Variants in WAC observed in about 807,000 individuals in gnomAD.
WAC encodes the protein WW domain containing adaptor with coiled-coil.
A neutral mutation model predicts 79.6 loss-of-function variants in WAC; 11 were observed. The ratio of observed to expected loss-of-function variants is 0.14; its 90% CI spans 0.09 to 0.23. WAC has a LOEUF of 0.23. WAC is among the 10% of genes least tolerant of loss of function. WAC has a pLI of 1.00. For synonymous variants in WAC, 304 were observed against 276.9 expected (o/e 1.10, Z -0.97); for missense variants, 728 against 773.5 (o/e 0.94, Z 0.70).
intron 3 of WAC, among the ~76,000 whole-genome samples, chr10:28,562,076 G>A (rs1424738956): frequency 6.6e-6 from 1 of 152,100 alleles, no homozygotes; most frequent in Non-Finnish European, 1.5e-5. Flanking sequence ...TTCTTTTTGA[G>A]ATGGAGTCAC....
chr10:28,609,408 A>G (rs995074295), intron 8 of WAC, among the ~76,000 whole-genome samples: 1 of 152,228 alleles, frequency 6.6e-6, no homozygotes, highest in Non-Finnish European at 1.5e-5. Context: ...ACATTTTCAC[A>G]TAATATACTT....
chr10:28,614,038 A>G (rs1841364120), intron 10 of WAC, among the ~76,000 whole-genome samples: 1 of 152,236 alleles, frequency 6.6e-6, no homozygotes, highest in Non-Finnish European at 1.5e-5. Flanking sequence ...TTATTGATAT[A>G]AAAGTAACAG....
chr10:28,541,855 G>C (rs1837069804), intron 3 of WAC, among the ~76,000 whole-genome samples: 1 of 152,002 alleles, frequency 6.6e-6, no homozygotes, highest in South Asian at 2.1e-4. Context: ...CTTGAATTCT[G>C]CAAGAGCCCC....
rs773985016 is a variant in WAC, at chr10:28,610,727, A to T, written c.1194A>T (p.Ser398=). The change falls in exon 9 of 14, where the codon TCA becomes TCT. Residue 398 remains serine (S), a synonymous_variant. Transcript: ENST00000354911. ...EVLTAAVTQA[S]LQSIIHKFLT... ...TTACAGCAGCTGTGACACAAGCCTC[A>T]CTGCAGTCTATAATTCATAAGTTTC... The T allele has an allele frequency of 6.2e-7, 1 of 1,611,050 alleles. No homozygotes were observed.
intron 3 of WAC, among the ~76,000 whole-genome samples, chr10:28,581,505 T>C (rs1312055680): frequency 6.6e-6 from 1 of 152,094 alleles, no homozygotes; most frequent in Non-Finnish European, 1.5e-5. Flanking sequence ...GATAGCAGTC[T>C]CTGGGCTTCT....
At position 28,610,847 on chromosome 10, in the gene WAC, C is replaced by T. The variant is rs1841203688; in HGVS notation, c.1288+26C>T. The stretch of plus-strand genomic sequence containing the variant: ...GTATTCTTACTCATCTTAGATATCT[C>T]TAGAATGGCATCTTGATTTTGTTTT... On this transcript the variant is annotated intron_variant, in intron 9 of 13. Transcript: ENST00000354911. 2.6e-6 allele frequency: 4 copies of T among 1,548,050 alleles called. No individual in the cohort carries two copies. The Middle Eastern group carries it at 6.9e-4, about 266-fold the overall frequency.
upstream of WAC, chr10:28,532,824 G>C (rs1450486803): frequency 1.3e-5 from 2 of 152,960 alleles, no homozygotes; most frequent in African/African-American, 4.8e-5. Context: ...CTTCCGGAAG[G>C]CGGCTCCCTC....
At chr10:28,569,253 A>T (rs757395974) in intron 3 of WAC, among the ~76,000 whole-genome samples, 1 of 152,202 alleles carries the variant, frequency 6.6e-6, no homozygotes, top group African/African-American at 2.4e-5. Flanking sequence ...AAATAATGGT[A>T]AAAATAGATT....
chr10:28,538,858 C>T (rs1229194201), intron 3 of WAC, among the ~76,000 whole-genome samples: 6 of 133,604 alleles, frequency 4.5e-5, no homozygotes, highest in South Asian at 2.5e-4. Flanking sequence ...GAGTGAGACC[C>T]GTCTGTTTAA....
chr10:28,564,913 G>A (rs957246723), intron 3 of WAC, among the ~76,000 whole-genome samples: 2 of 152,052 alleles, frequency 1.3e-5, no homozygotes, highest in African/African-American at 4.8e-5. Flanking sequence ...GCATGAATAC[G>A]TTAAGGTGAC....
chr10:28,534,174 A>C, intron 2 of WAC, 140 bp downstream of exon 2: 1 of 833,432 alleles, frequency 1.2e-6, no homozygotes. Context: ...GATCCCCTTA[A>C]AATTCCAGGT....
chr10:28,533,907 G>A (rs945069234), intron 1 of WAC, 91 bp from the exon 2 acceptor site: 7 of 1,493,044 alleles, frequency 4.7e-6, no homozygotes, highest in African/African-American at 2.8e-5. Flanking sequence ...GGTCTCCCGC[G>A]GGGAGGGGCG....
Position 28,621,214 on chromosome 10 carries a change from G to GTTTTT in WAC, c.*1608_*1609insTTTTT, listed in dbSNP as rs1564426155. 1.3e-5 allele frequency: 1 copy of GTTTTT among 76,578 alleles called. No homozygotes were observed. The highest frequency in any genetic ancestry group is 5.2e-5 in the African/African-American group (1 of 19,128). 4.7% of individuals were successfully genotyped at this position (76,578 alleles called of 1,614,324 possible). On this transcript the variant is annotated 3_prime_UTR_variant, in exon 14 of 14. Transcript: ENST00000354911. ...TTAAATTGGTTTAGGGTTTTTTGGTGATTTTTTTTTTTTTTTTTTTTCTGT... is the reference window on the plus strand; with the variant it reads ...TTAAATTGGTTTAGGGTTTTTTGGTGTTTTTATTTTTTTTTTTTTTTTTTTTCTGT...
At chr10:28,533,706 C>G in intron 1 of WAC, 86 bp downstream of exon 1, 1 of 1,459,968 alleles carries the variant, frequency 6.8e-7, no homozygotes, top group Non-Finnish European at 9.3e-7. Flanking sequence ...CTGGCCGGGC[C>G]GCCATTTTTG....
At chr10:28,536,997 C>G (rs1836714652) in intron 3 of WAC, among the ~76,000 whole-genome samples, 2 of 152,148 alleles carry the variant, frequency 1.3e-5, no homozygotes, top group African/African-American at 4.8e-5. Context: ...CCCCTTTTGT[C>G]CACCTAGGAT....
chr10:28,613,332 C>T (rs332173), intron 10 of WAC, among the ~76,000 whole-genome samples: 88,263 of 152,034 alleles, frequency 0.58, 26,244 homozygotes, highest in African/African-American at 0.69. Flanking sequence ...CGGCACTGCA[C>T]TCCAGCCTGG....
At chr10:28,576,012 T>C (rs925998061) in intron 3 of WAC, among the ~76,000 whole-genome samples, 10 of 152,212 alleles carry the variant, frequency 6.6e-5, no homozygotes, top group Admixed American at 6.5e-4. Context: ...TATAGATTTA[T>C]AGCCTAGGAG....
chr10:28,564,812 A>G (rs1192500792), intron 3 of WAC, among the ~76,000 whole-genome samples: 2 of 152,194 alleles, frequency 1.3e-5, no homozygotes, highest in Non-Finnish European at 2.9e-5. Flanking sequence ...TGATAATGAT[A>G]ATCCCCATTG....
intron 6 of WAC, among the ~76,000 whole-genome samples, chr10:28,595,420 A>T (rs949209742): frequency 1.3e-5 from 2 of 149,156 alleles, no homozygotes; most frequent in African/African-American, 4.9e-5. Context: ...CCATATGTTG[A>T]TTTTTTTTTT....
Sources: allele counts gnomAD v4.1 joint callset (sites outside exome capture counted in the v4.1 genomes callset), GRCh38; gene constraint gnomAD v4.1.1; transcripts MANE v1.5; gene names NCBI Gene and HGNC (gene_info 2026-07-23, HGNC 2026-07-21).